The following UBE2D3 variants were observed in gnomAD, a reference collection of about 807,000 sequenced individuals.
UBE2D3 encodes ubiquitin conjugating enzyme E2 D3, also known as ubiquitin-conjugating enzyme E2 D3.
Under a neutral mutation model 22.8 loss-of-function variants are expected in UBE2D3, and 2 were observed. That is an observed-to-expected ratio of 0.09 (90% CI 0.04 to 0.28). The LOEUF is 0.28. Among genes scored for constraint, UBE2D3 ranks in the 10% least tolerant of loss-of-function variants. The probability of loss-of-function intolerance (pLI) is 1.00; values close to 1 mark genes in which losing one functional copy is unlikely to be tolerated. For missense variants in UBE2D3, 27 were observed against 182.5 expected (o/e 0.15, Z 4.91); for synonymous variants, 56 against 60.4 (o/e 0.93, Z 0.34).
rs181156440 is a variant in UBE2D3 at position 102,865,278 on chromosome 4, G to T, written c.-129+3437C>A. Among the ~76,000 whole-genome samples, 197 of 152,184 alleles carry T rather than the reference G, an allele frequency of 1.3e-3. 1 individual carries two copies. The highest frequency in any genetic ancestry group is 4.2e-3 in the African/African-American group (174 of 41,528). ...GGAGGCAGAGGCAGGTGGATCATGAGGTCAGGAGTTCAAGACCAGCCTGGC... is the reference window on the plus strand; with the variant it reads ...GGAGGCAGAGGCAGGTGGATCATGATGTCAGGAGTTCAAGACCAGCCTGGC... On this transcript the variant is annotated intron_variant, in intron 1 of 7. Coordinates refer to the UBE2D3 transcript ENST00000338145.
intron 6 of UBE2D3, among the ~76,000 whole-genome samples, chr4:102,801,109 T>C (rs554123214): frequency 5.1e-4 from 77 of 152,114 alleles, no homozygotes; most frequent in African/African-American, 1.8e-3. Context: ...AGTTTAGGTA[T>C]ATCATACCAT....
rs576571400 is a variant in UBE2D3 at position 102,799,142 on chromosome 4, T to C, written c.398+265A>G. Among the ~76,000 whole-genome samples, 41 of 152,008 alleles carry C rather than the reference T, an allele frequency of 2.7e-4. No homozygotes were observed. In the South Asian group the frequency reaches 7.5e-3, roughly 28 times the overall value. ...TTGGGGTAAAGAAAAATTTGCTTTC[T>C]TCCCCAAAAGTTGAGAATAAAGTGA... On this transcript the variant is annotated intron_variant, in intron 7 of 7. Coordinates refer to ENST00000453744, the MANE Select transcript of UBE2D3 (RefSeq NM_181891.3).
intron 1 of UBE2D3, among the ~76,000 whole-genome samples, chr4:102,860,152 T>C (rs1164984710): frequency 6.6e-6 from 1 of 152,030 alleles, no homozygotes; most frequent in Non-Finnish European, 1.5e-5. Context: ...CAGCCAGAAT[T>C]TGATTGTTTA....
chr4:102,819,466 G>T, intron 2 of UBE2D3: 1 of 613,366 alleles, frequency 1.6e-6, no homozygotes, highest in East Asian at 1.4e-4. Context: ...AGCCCAATAA[G>T]TATCTGAACA....
chr4:102,825,407 T>C, intron 2 of UBE2D3: 5 of 1,042,080 alleles, frequency 4.8e-6, no homozygotes, highest in African/African-American at 1.7e-5. Flanking sequence ...AGGTAAGTTT[T>C]GAGCAGAGGA....
intron 2 of UBE2D3, among the ~76,000 whole-genome samples, chr4:102,819,805 C>T (rs1042935125): frequency 1.3e-5 from 2 of 152,228 alleles, no homozygotes; most frequent in Admixed American, 1.3e-4. Flanking sequence ...AGTATAGATA[C>T]ATTTCCTCTC....
intron 2 of UBE2D3, among the ~76,000 whole-genome samples, chr4:102,817,016 G>T (rs1728867671): frequency 6.6e-6 from 1 of 152,198 alleles, no homozygotes; most frequent in African/African-American, 2.4e-5. Context: ...CTTTTCCTGG[G>T]TTTAGAGGAG....
intron 2 of UBE2D3, chr4:102,810,758 T>A (rs1727839507): frequency 6.6e-6 from 1 of 152,142 alleles, no homozygotes; most frequent in South Asian, 2.1e-4. Context: ...CATAACAATA[T>A]GAATTATCTA....
At chr4:102,837,819 GCAGGCACCTGTAGTCC>G (rs1731498083) in intron 1 of UBE2D3, among the ~76,000 whole-genome samples, 1 of 152,180 alleles carries the variant, frequency 6.6e-6, no homozygotes, top group African/African-American at 2.4e-5. Flanking sequence ...AGGCGTGGTG[GCAGGCACCTGTAGTCC>G]CAGCTACTCG....
chr4:102,867,672 G>T (rs554649354), intron 1 of UBE2D3, among the ~76,000 whole-genome samples: 37 of 152,142 alleles, frequency 2.4e-4, no homozygotes, highest in African/African-American at 8.4e-4. Context: ...GGCAGCACAC[G>T]CCTGTAAACC....
At chr4:102,828,147 T>C, upstream of UBE2D3, 3 of 985,474 alleles carry the variant, frequency 3.0e-6, no homozygotes, top group Non-Finnish European at 2.4e-6. Context: ...TGAATGCTTA[T>C]GCCGGTGGTT....
At chr4:102,826,064 C>T (rs1422836189) in intron 2 of UBE2D3, among the ~76,000 whole-genome samples, 1 of 152,116 alleles carries the variant, frequency 6.6e-6, no homozygotes, top group Non-Finnish European at 1.5e-5. Flanking sequence ...CTTTCTTACC[C>T]CTAGAAGGCC....
chr4:102,863,332 T>G (rs1054327074), intron 1 of UBE2D3, among the ~76,000 whole-genome samples: 1 of 152,034 alleles, frequency 6.6e-6, no homozygotes, highest in African/African-American at 2.4e-5. Flanking sequence ...ATTACAGGCG[T>G]GAGCCACCGA....
At position 102,853,135 on chromosome 4, in the gene UBE2D3, A is replaced by ATCTTTTTTTTTTTTTT. The variant is rs386626793; in HGVS notation, c.-129+15579_-129+15580insAAAAAAAAAAAAAAGA. Among the ~76,000 whole-genome samples, 94 of 88,604 alleles carry ATCTTTTTTTTTTTTTT rather than the reference A, an allele frequency of 1.1e-3. 21 individuals are homozygous for ATCTTTTTTTTTTTTTT. The highest frequency in any genetic ancestry group is 2.4e-3 in the African/African-American group (50 of 21,086). The allele number at this position is 88,604 out of a possible 152,430, so 58.1% of individuals were successfully genotyped here. A position where few individuals can be genotyped will look rare whatever the true frequency, so the allele number is the denominator to read the frequency against. On this transcript the variant is annotated intron_variant, in intron 1 of 7. Transcript: ENST00000338145. ...GTCAAAATTACACACAAACACACACATTTTTTTTTTTTTTTTTTTTTTTTT... is the reference window on the plus strand; with the variant it reads ...GTCAAAATTACACACAAACACACACATCTTTTTTTTTTTTTTTTTTTTTTTTTTTTTTTTTTTTTTT...
chr4:102,818,283 T>C (rs1176284761), intron 2 of UBE2D3, among the ~76,000 whole-genome samples: 1 of 152,242 alleles, frequency 6.6e-6, no homozygotes, highest in African/African-American at 2.4e-5. Flanking sequence ...GACATTTCTT[T>C]TCCACAGAGT....
chr4:102,857,129 A>G (rs1732662418), intron 1 of UBE2D3, among the ~76,000 whole-genome samples: 1 of 152,190 alleles, frequency 6.6e-6, no homozygotes, highest in African/African-American at 2.4e-5. Flanking sequence ...AATAGGAGAA[A>G]TGGTGTGTGT....
At chr4:102,826,406 C>T in intron 2 of UBE2D3, 79 bp downstream of exon 2, 1 of 1,566,392 alleles carries the variant, frequency 6.4e-7, no homozygotes, top group Non-Finnish European at 8.8e-7. Flanking sequence ...ATTATGCTTC[C>T]TTCCCACCCC....
chr4:102,800,694 A>G (rs1174916692), intron 6 of UBE2D3, among the ~76,000 whole-genome samples: 2 of 152,086 alleles, frequency 1.3e-5, no homozygotes, highest in African/African-American at 4.8e-5. Flanking sequence ...AAAGTTTGGG[A>G]AATGCTACTG....
chr4:102,803,234 C>A (rs1053606952), intron 4 of UBE2D3, among the ~76,000 whole-genome samples: 2 of 152,176 alleles, frequency 1.3e-5, no homozygotes, highest in Admixed American at 6.5e-5. Context: ...ATGATAGAAC[C>A]AAGATTCAAA....
Sources: allele counts gnomAD v4.1 joint callset (sites outside exome capture counted in the v4.1 genomes callset), GRCh38; gene constraint gnomAD v4.1.1; transcripts MANE v1.5; gene names NCBI Gene and HGNC (gene_info 2026-07-23, HGNC 2026-07-21).